The following RPS6KC1 variants were observed in gnomAD, a reference collection of about 807,000 sequenced individuals.
RPS6KC1 encodes the protein inactive ribosomal protein S6 kinase delta-1.
Under a neutral mutation model 103.8 loss-of-function variants are expected in RPS6KC1, and 54 were observed. The observed-to-expected ratio is 0.52, with a 90% CI of 0.42 to 0.65. The LOEUF (loss-of-function observed/expected upper bound fraction) is 0.65, where lower values mean the gene tolerates loss of function less well. Ranked by LOEUF, RPS6KC1 falls within the 30% of genes least tolerant of loss-of-function variation. The probability of loss-of-function intolerance (pLI) is 0.00; values close to 1 mark genes in which losing one functional copy is unlikely to be tolerated. For missense variants in RPS6KC1, 1,151 were observed against 1,253.8 expected, an observed-to-expected ratio of 0.92 and a Z score of 1.24; for synonymous variants, 439 against 438.7, an observed-to-expected ratio of 1.00 and a Z score of -0.01.
the RPS6KC1 span, among the ~76,000 whole-genome samples, chr1:213,600,269 C>T: frequency 4.6e-5 from 7 of 152,116 alleles, no homozygotes; most frequent in African/African-American, 1.7e-4. Flanking sequence ...TGAAAACGGA[C>T]GAATACAGAT....
the RPS6KC1 span, among the ~76,000 whole-genome samples, chr1:213,414,143 G>A: frequency 6.6e-6 from 1 of 152,158 alleles, no homozygotes; most frequent in Non-Finnish European, 1.5e-5. Flanking sequence ...AGCAGAGTTG[G>A]AAAGCTTCTG....
chr1:213,441,075 G>A, the RPS6KC1 span, among the ~76,000 whole-genome samples: 1 of 152,182 alleles, frequency 6.6e-6, no homozygotes, highest in East Asian at 1.9e-4. Context: ...CTCTTCGGGG[G>A]ATTCTGATAA....
At chr1:213,320,842 G>A in the RPS6KC1 span, among the ~76,000 whole-genome samples, 2 of 152,152 alleles carry the variant, frequency 1.3e-5, no homozygotes, top group Non-Finnish European at 2.9e-5. Flanking sequence ...TGAGTCTTTG[G>A]GGAGCATGAG....
At chr1:213,656,422 A>G in the RPS6KC1 span, among the ~76,000 whole-genome samples, 100 of 152,344 alleles carry the variant, frequency 6.6e-4, no homozygotes, top group Non-Finnish European at 1.2e-3. Flanking sequence ...AGGTGTGAAT[A>G]ATGAAGACAA....
chr1:213,424,846 A>G, the RPS6KC1 span, among the ~76,000 whole-genome samples: 8 of 152,308 alleles, frequency 5.3e-5, no homozygotes, highest in Non-Finnish European at 1.0e-4. Flanking sequence ...TTTACTAAAG[A>G]GAAAAAGTAT....
the RPS6KC1 span, among the ~76,000 whole-genome samples, chr1:213,303,448 A>G: frequency 6.6e-6 from 1 of 152,132 alleles, no homozygotes; most frequent in African/African-American, 2.4e-5. Flanking sequence ...CTTGGATATT[A>G]GATCAGATGT....
chr1:213,745,411 A>G, the RPS6KC1 span, among the ~76,000 whole-genome samples: 6 of 143,342 alleles, frequency 4.2e-5, no homozygotes, highest in Non-Finnish European at 4.5e-5. Flanking sequence ...GAAACCCACT[A>G]CTGTGACTTA....
chr1:213,547,490 C>G, the RPS6KC1 span, among the ~76,000 whole-genome samples: 1 of 152,170 alleles, frequency 6.6e-6, no homozygotes, highest in Non-Finnish European at 1.5e-5. Flanking sequence ...TGTTCTGTCT[C>G]AATAACAAAA....
the RPS6KC1 span, among the ~76,000 whole-genome samples, chr1:213,426,810 C>T: frequency 6.6e-6 from 1 of 152,170 alleles, no homozygotes; most frequent in Non-Finnish European, 1.5e-5. Context: ...TCTGTGGTAG[C>T]TAATACTGAA....
At chr1:213,260,401 T>A (rs2094757735) in intron 12 of RPS6KC1, among the ~76,000 whole-genome samples, 1 of 152,136 alleles carries the variant, frequency 6.6e-6, no homozygotes, top group Non-Finnish European at 1.5e-5. Flanking sequence ...ATGGAGTAAT[T>A]TCAGTGTTTT....
At chr1:213,774,018 A>G in the RPS6KC1 span, among the ~76,000 whole-genome samples, 1 of 152,290 alleles carries the variant, frequency 6.6e-6, no homozygotes, top group East Asian at 1.9e-4. Flanking sequence ...CTGTCAGGGT[A>G]TGTGTGGTTT....
At chr1:213,554,332 G>A in the RPS6KC1 span, among the ~76,000 whole-genome samples, 1 of 152,062 alleles carries the variant, frequency 6.6e-6, no homozygotes, top group Non-Finnish European at 1.5e-5. Flanking sequence ...ATGGTTATCA[G>A]TGTGTGGCTT....
chr1:213,710,211 C>G, the RPS6KC1 span, among the ~76,000 whole-genome samples: 1 of 152,158 alleles, frequency 6.6e-6, no homozygotes, highest in Non-Finnish European at 1.5e-5. Context: ...GTATTGGGTG[C>G]ATATATATTT....
chr1:213,184,558 A>G (rs1474343287), intron 8 of RPS6KC1, among the ~76,000 whole-genome samples: 1 of 150,888 alleles, frequency 6.6e-6, no homozygotes, highest in East Asian at 1.9e-4. Flanking sequence ...GTTTGTTCTT[A>G]CTTTCTAGAT....
At chr1:213,419,326 G>A in the RPS6KC1 span, among the ~76,000 whole-genome samples, 1 of 152,226 alleles carries the variant, frequency 6.6e-6, no homozygotes, top group Non-Finnish European at 1.5e-5. Flanking sequence ...GGATCAGTAA[G>A]CAATTTGTTG....
chr1:213,237,326 G>T (rs1486605953), intron 10 of RPS6KC1, among the ~76,000 whole-genome samples: 1 of 152,012 alleles, frequency 6.6e-6, no homozygotes, highest in Non-Finnish European at 1.5e-5. Flanking sequence ...TTCCTCATCT[G>T]TAAAATAGAG....
At chr1:213,144,952 G>C (rs1490852231) in intron 6 of RPS6KC1, among the ~76,000 whole-genome samples, 1 of 152,070 alleles carries the variant, frequency 6.6e-6, no homozygotes, top group Non-Finnish European at 1.5e-5. Flanking sequence ...GTGGGTGCCT[G>C]TAATCCCACC....
At chr1:213,270,604 C>T (rs954930028) in intron 14 of RPS6KC1, among the ~76,000 whole-genome samples, 19 of 151,602 alleles carry the variant, frequency 1.3e-4, no homozygotes, top group Admixed American at 4.6e-4. Flanking sequence ...AGTGAGACCC[C>T]GCCTCTATGA....
chr1:213,588,565 G>A, the RPS6KC1 span, among the ~76,000 whole-genome samples: 1 of 151,948 alleles, frequency 6.6e-6, no homozygotes, highest in Non-Finnish European at 1.5e-5. Flanking sequence ...TCCCAAAGTG[G>A]TGGGATTACA....
Sources: allele counts gnomAD v4.1 joint callset (sites outside exome capture counted in the v4.1 genomes callset), GRCh38; gene constraint gnomAD v4.1.1; transcripts MANE v1.5; gene names NCBI Gene and HGNC (gene_info 2026-07-23, HGNC 2026-07-21).